CSMD1: variants seen among roughly 807,000 people sequenced by gnomAD.
CSMD1 encodes CUB and Sushi multiple domains 1.
In CSMD1, 213 loss-of-function variants were observed where a neutral mutation model predicts 417.5. The observed-to-expected ratio is 0.51, with a 90% CI of 0.46 to 0.57. The LOEUF is 0.57. CSMD1 is among the 20% of genes least tolerant of loss of function. The pLI, the probability that CSMD1 is intolerant of heterozygous loss-of-function variation, is 0.00. For missense variants in CSMD1, 6,923 were observed against 4,529.7 expected, an observed-to-expected ratio of 1.53 and a Z score of -15.17; for synonymous variants, 2,862 against 1,736.8, an observed-to-expected ratio of 1.65 and a Z score of -16.11.
chr8:4,700,021 A>G (rs1323866918), intron 1 of CSMD1, among the ~76,000 whole-genome samples: 1 of 152,232 alleles, frequency 6.6e-6, no homozygotes, highest in African/African-American at 2.4e-5. Context: ...CGCTAATCTT[A>G]GAAAGCTTCA....
chr8:4,299,080 T>A (rs951810257), intron 3 of CSMD1, among the ~76,000 whole-genome samples: 1 of 152,132 alleles, frequency 6.6e-6, no homozygotes, highest in African/African-American at 2.4e-5. Flanking sequence ...TTCTTACTTA[T>A]GATAATATAA....
intron 25 of CSMD1, among the ~76,000 whole-genome samples, chr8:3,295,336 C>T (rs916047700): frequency 4.6e-5 from 7 of 151,906 alleles, no homozygotes; most frequent in African/African-American, 1.2e-4. Context: ...CTGTGTTAGC[C>T]AGGAAGGTCT....
At chr8:3,991,812 C>T (rs1200918971) in intron 5 of CSMD1, among the ~76,000 whole-genome samples, 5 of 152,180 alleles carry the variant, frequency 3.3e-5, no homozygotes, top group African/African-American at 1.2e-4. Flanking sequence ...CAAGTCTCCA[C>T]ACTGCCTCTT....
intron 1 of CSMD1, among the ~76,000 whole-genome samples, chr8:4,640,797 A>G (rs1174223890): frequency 1.3e-5 from 2 of 151,370 alleles, no homozygotes; most frequent in Non-Finnish European, 2.9e-5. Flanking sequence ...AGTTTCTGTG[A>G]TAATTGTAAT....
At chr8:4,291,204 A>G (rs1292051118) in intron 3 of CSMD1, among the ~76,000 whole-genome samples, 8 of 152,094 alleles carry the variant, frequency 5.3e-5, no homozygotes, top group Admixed American at 2.6e-4. Flanking sequence ...TGGTATTTTA[A>G]TTTTAAAAAC....
chr8:3,303,656 T>C (rs886635330), intron 25 of CSMD1, among the ~76,000 whole-genome samples: 9 of 152,214 alleles, frequency 5.9e-5, no homozygotes, highest in African/African-American at 2.2e-4. Context: ...AGTGTACACA[T>C]ATGGTTATGT....
chr8:4,289,818 C>T (rs969065753), intron 3 of CSMD1, among the ~76,000 whole-genome samples: 1 of 152,152 alleles, frequency 6.6e-6, no homozygotes, highest in Non-Finnish European at 1.5e-5. Flanking sequence ...CATGTGTTCA[C>T]AAACTAATCT....
At chr8:3,790,077 G>A (rs1002811109) in intron 5 of CSMD1, among the ~76,000 whole-genome samples, 8 of 152,120 alleles carry the variant, frequency 5.3e-5, no homozygotes, top group Admixed American at 5.2e-4. Context: ...GTCAATGAAG[G>A]TCCATTATAT....
At chr8:4,550,232 C>G (rs1205708301) in intron 2 of CSMD1, among the ~76,000 whole-genome samples, 1 of 151,762 alleles carries the variant, frequency 6.6e-6, no homozygotes, top group Non-Finnish European at 1.5e-5. Context: ...CATTTCTCAG[C>G]CTTCACTTTT....
At chr8:3,331,689 C>G (rs926295847) in intron 23 of CSMD1, among the ~76,000 whole-genome samples, 2 of 152,316 alleles carry the variant, frequency 1.3e-5, no homozygotes, top group East Asian at 1.9e-4. Context: ...ACCATGGCCC[C>G]CAAAGACACA....
intron 6 of CSMD1, among the ~76,000 whole-genome samples, chr8:3,721,616 T>G (rs1802179748): frequency 6.6e-6 from 1 of 152,242 alleles, no homozygotes; most frequent in Non-Finnish European, 1.5e-5. Context: ...AGTCCTACCT[T>G]AATTATTCTT....
intron 1 of CSMD1, among the ~76,000 whole-genome samples, chr8:4,719,849 G>C (rs1270547536): frequency 6.6e-6 from 1 of 152,048 alleles, no homozygotes; most frequent in African/African-American, 2.4e-5. Flanking sequence ...CATTAAAGTA[G>C]TATAAAATAT....
intron 3 of CSMD1, among the ~76,000 whole-genome samples, chr8:4,136,952 C>T (rs1371450955): frequency 6.6e-6 from 1 of 152,140 alleles, no homozygotes; most frequent in Non-Finnish European, 1.5e-5. Context: ...TCATCAAAAC[C>T]AATATTCAGC....
intron 13 of CSMD1, among the ~76,000 whole-genome samples, 166 bp downstream of exon 13, chr8:3,409,257 C>G: frequency 6.6e-6 from 1 of 152,182 alleles, no homozygotes; most frequent in Non-Finnish European, 1.5e-5. Flanking sequence ...AGAAAGCAGG[C>G]AAGTTGGTGT....
At chr8:4,817,785 A>G (rs1412885993) in intron 1 of CSMD1, among the ~76,000 whole-genome samples, 1 of 152,240 alleles carries the variant, frequency 6.6e-6, no homozygotes, top group Non-Finnish European at 1.5e-5. Flanking sequence ...GTGATTAGAA[A>G]TACACCATCA....
intron 3 of CSMD1, among the ~76,000 whole-genome samples, chr8:4,072,295 A>C (rs1283168815): frequency 6.6e-6 from 1 of 152,230 alleles, no homozygotes; most frequent in Non-Finnish European, 1.5e-5. Context: ...TTACAAAAAA[A>C]TACCTTCCTT....
chr8:3,376,107 T>G (rs991721899), intron 18 of CSMD1, among the ~76,000 whole-genome samples: 10 of 152,192 alleles, frequency 6.6e-5, no homozygotes, highest in African/African-American at 2.4e-4. Flanking sequence ...GATTTTAAAC[T>G]TCTGTGTGAT....
At chr8:4,868,424 C>T (rs1802542600) in intron 1 of CSMD1, among the ~76,000 whole-genome samples, 1 of 151,802 alleles carries the variant, frequency 6.6e-6, no homozygotes, top group South Asian at 2.1e-4. Flanking sequence ...TAGTAGAGAC[C>T]GGGGTTTTGC....
At chr8:4,499,411 T>C (rs938663914) in intron 2 of CSMD1, among the ~76,000 whole-genome samples, 3 of 152,214 alleles carry the variant, frequency 2.0e-5, no homozygotes, top group Non-Finnish European at 2.9e-5. Context: ...TATTACTTTA[T>C]TGAGGCATGC....
Sources: gnomAD v4.1 joint callset for allele counts (sites outside exome capture counted in the v4.1 genomes callset) on GRCh38, gnomAD v4.1.1 for gene constraint, MANE v1.5 for transcripts, NCBI Gene and HGNC (gene_info 2026-07-23, HGNC 2026-07-21) for gene names.